The following KRABD4 variants were observed in gnomAD, a reference collection of about 807,000 sequenced individuals.
KRABD4 encodes KRAB domain-containing protein 4.
chrX:46,457,083 T>A, the KRABD4 span: 1 of 378,804 alleles, frequency 2.6e-6, no homozygotes, highest in Non-Finnish European at 4.8e-6. Context: ...CCGTGGCGCA[T>A]TTTTCTGTTT....
At chrX:46,453,627 T>A in the KRABD4 span, among the ~76,000 whole-genome samples, 2 of 111,903 alleles carry the variant, frequency 1.8e-5, no homozygotes, top group Non-Finnish European at 3.8e-5. Flanking sequence ...TAATTTTTTT[T>A]ATTCAGAACC....
the KRABD4 span, among the ~76,000 whole-genome samples, chrX:46,470,482 A>C: frequency 2.7e-5 from 3 of 111,328 alleles, no homozygotes; most frequent in African/African-American, 9.8e-5. Flanking sequence ...TTCACTCAGC[A>C]TACTTCTCAG....
At chrX:46,447,664 A>G in the KRABD4 span, among the ~76,000 whole-genome samples, 2 of 111,608 alleles carry the variant, frequency 1.8e-5, no homozygotes, top group East Asian at 5.7e-4. Context: ...ATGCCAGGCA[A>G]CCTTGCAAAT....
the KRABD4 span, chrX:46,455,647 C>T: frequency 4.8e-5 from 18 of 375,003 alleles, no homozygotes; most frequent in South Asian, 1.0e-4. Flanking sequence ...AATTTATCTT[C>T]GAGAATTATT....
At chrX:46,459,326 A>AG in the KRABD4 span, among the ~76,000 whole-genome samples, 3 of 13,751 alleles carry the variant, frequency 2.2e-4, no homozygotes, top group African/African-American at 1.4e-3. Flanking sequence ...AAAAAAAAAG[A>AG]AAAAAAAAAA....
At chrX:46,457,367 A>T in the KRABD4 span, among the ~76,000 whole-genome samples, 2 of 112,416 alleles carry the variant, frequency 1.8e-5, no homozygotes, top group Non-Finnish European at 3.7e-5. Context: ...GAGAAAATAC[A>T]TGCAATGCAT....
chrX:46,450,360 A>G, the KRABD4 span: 3 of 672,790 alleles, frequency 4.5e-6, no homozygotes, highest in African/African-American at 6.5e-5. Flanking sequence ...AAGGGTAATT[A>G]TTATTGGGAT....
At chrX:46,463,476 T>C in the KRABD4 span, 1 of 508,621 alleles carries the variant, frequency 2.0e-6, no homozygotes, top group Non-Finnish European at 3.5e-6. Context: ...CCGGTTACAG[T>C]CTCTGTGTTC....
At chrX:46,462,523 GA>G in the KRABD4 span, 1 of 456,367 alleles carries the variant, frequency 2.2e-6, no homozygotes, top group Non-Finnish European at 3.5e-6. Flanking sequence ...AAAAAAAAAA[GA>G]AAGAAAGGCC....
At chrX:46,462,427 T>G in the KRABD4 span, 17 of 242,072 alleles carry the variant, frequency 7.0e-5, no homozygotes, top group African/African-American at 2.9e-4. Flanking sequence ...GGAGAATCGC[T>G]TGAACCCGGG....
chrX:46,460,385 C>G, the KRABD4 span, among the ~76,000 whole-genome samples: 1 of 105,975 alleles, frequency 9.4e-6, no homozygotes, highest in Non-Finnish European at 2.0e-5. Flanking sequence ...TCATTGCACT[C>G]CAGCCTGGGC....
the KRABD4 span, among the ~76,000 whole-genome samples, chrX:46,451,413 G>A: frequency 8.9e-6 from 1 of 112,033 alleles, no homozygotes; most frequent in Admixed American, 9.4e-5. Flanking sequence ...GTTCCTTGTC[G>A]ATATATAAAG....
At chrX:46,462,558 G>A in the KRABD4 span, 549 of 652,990 alleles carry the variant, frequency 8.4e-4, 3 homozygotes, top group African/African-American at 0.01. Flanking sequence ...GAACCAGACC[G>A]TGTGGATTCG....
At chrX:46,456,451 T>G in the KRABD4 span, 1 of 143,492 alleles carries the variant, frequency 7.0e-6, no homozygotes, top group East Asian at 1.5e-4. Context: ...ATCACTTCAG[T>G]TTCTTGAATG....
the KRABD4 span, among the ~76,000 whole-genome samples, chrX:46,458,596 CT>C: frequency 8.9e-6 from 1 of 112,265 alleles, no homozygotes; most frequent in East Asian, 2.8e-4. Flanking sequence ...ATAAGAGCCA[CT>C]GTGGATGAGA....
the KRABD4 span, among the ~76,000 whole-genome samples, chrX:46,461,925 C>T: frequency 9.6e-6 from 1 of 104,435 alleles, no homozygotes; most frequent in African/African-American, 3.4e-5. Flanking sequence ...TCCTCCCTGC[C>T]TCTGTTTCAT....
At chrX:46,472,287 A>C in the KRABD4 span, 1 of 119,223 alleles carries the variant, frequency 8.4e-6, no homozygotes, top group African/African-American at 3.2e-5. Flanking sequence ...CCAGTGGGTG[A>C]CATCTTTCTA....
chrX:46,471,246 A>G, the KRABD4 span: 9 of 1,059,617 alleles, frequency 8.5e-6, no homozygotes, highest in South Asian at 1.5e-4. Context: ...ATCATTTTGT[A>G]ATGTCCCTCT....
the KRABD4 span, among the ~76,000 whole-genome samples, chrX:46,461,413 C>A: frequency 3.6e-5 from 4 of 111,660 alleles, no homozygotes; most frequent in South Asian, 1.5e-3. Flanking sequence ...ATTGGGCTAA[C>A]AGCTCCTGGA....
Sources: gnomAD v4.1 joint callset for allele counts (sites outside exome capture counted in the v4.1 genomes callset) on GRCh38, gnomAD v4.1.1 for gene constraint, MANE v1.5 for transcripts, NCBI Gene and HGNC (gene_info 2026-07-23, HGNC 2026-07-21) for gene names.